PLD1: variants seen among roughly 807,000 people sequenced by gnomAD.
PLD1 encodes the protein phospholipase D1.
In PLD1, 112 loss-of-function variants were observed where a neutral mutation model predicts 137.1. The observed-to-expected ratio is 0.82, with a 90% CI of 0.70 to 0.96. The LOEUF (loss-of-function observed/expected upper bound fraction) is 0.96. Ranked by LOEUF, PLD1 falls within the 40% of genes least tolerant of loss-of-function variation. The pLI, the probability that PLD1 is intolerant of heterozygous loss-of-function variation, is 0.00. For missense variants in PLD1, 1,321 were observed against 1,342.0 expected, an observed-to-expected ratio of 0.98 and a Z score of 0.24; for synonymous variants, 431 against 454.7, an observed-to-expected ratio of 0.95 and a Z score of 0.66.
chr3:171,663,336 C>T (rs1711716694), intron 19 of PLD1, among the ~76,000 whole-genome samples: 1 of 152,208 alleles, frequency 6.6e-6, no homozygotes, highest in African/African-American at 2.4e-5. Context: ...CAGAGCAGGA[C>T]TGTCTAGGTT....
At chr3:171,780,450 G>A (rs1432400012) in intron 1 of PLD1, among the ~76,000 whole-genome samples, 2 of 152,144 alleles carry the variant, frequency 1.3e-5, no homozygotes, top group South Asian at 2.1e-4. Flanking sequence ...ACTGACTGAG[G>A]GTGAATAAAG....
chr3:171,772,712 A>G (rs752293569), intron 1 of PLD1, among the ~76,000 whole-genome samples: 6 of 152,240 alleles, frequency 3.9e-5, no homozygotes, highest in Non-Finnish European at 8.8e-5. Flanking sequence ...TATTACTTTG[A>G]TGTTGGAAGA....
chr3:171,748,569 C>T (rs1720429881), intron 1 of PLD1, among the ~76,000 whole-genome samples: 2 of 152,044 alleles, frequency 1.3e-5, no homozygotes, highest in South Asian at 4.2e-4. Context: ...TTGTAATCTC[C>T]TCCAAACACT....
chr3:171,804,387 A>C (rs1160101885), intron 1 of PLD1, among the ~76,000 whole-genome samples: 1 of 152,216 alleles, frequency 6.6e-6, no homozygotes, highest in African/African-American at 2.4e-5. Flanking sequence ...GTAAAACGTT[A>C]ATTATAAAGA....
chr3:171,605,037 C>A (rs1354577565), intron 26 of PLD1, among the ~76,000 whole-genome samples: 1 of 152,160 alleles, frequency 6.6e-6, no homozygotes, highest in Non-Finnish European at 1.5e-5. Flanking sequence ...TAACCAGGTG[C>A]TAAGGATGCT....
intron 1 of PLD1, among the ~76,000 whole-genome samples, chr3:171,761,885 C>T (rs746863327): frequency 2.0e-5 from 3 of 152,148 alleles, no homozygotes; most frequent in Non-Finnish European, 2.9e-5. Flanking sequence ...CACACATTTT[C>T]TTAAATTAAC....
At chr3:171,793,310 A>G (rs192170206) in intron 1 of PLD1, 37 of 152,374 alleles carry the variant, frequency 2.4e-4, no homozygotes, top group African/African-American at 8.7e-4. Flanking sequence ...TGTTAAACAC[A>G]TAAATCATTA....
At chr3:171,739,886 T>C (rs1473866711) in intron 1 of PLD1, among the ~76,000 whole-genome samples, 1 of 152,200 alleles carries the variant, frequency 6.6e-6, no homozygotes, top group African/African-American at 2.4e-5. Flanking sequence ...CTATTCTTTG[T>C]AGATATGTAA....
chr3:171,628,053 A>C (rs1734295834), intron 23 of PLD1, among the ~76,000 whole-genome samples: 2 of 151,986 alleles, frequency 1.3e-5, no homozygotes, highest in South Asian at 2.1e-4. Context: ...AACCCTTCAA[A>C]AAATTAATGA....
chr3:171,785,294 A>G lies in PLD1; in HGVS notation c.-32+25105T>C, dbSNP rs1249544216. On this transcript the variant is annotated intron_variant, in intron 1 of 26. Coordinates refer to ENST00000351298, the MANE Select transcript of PLD1 (RefSeq NM_002662.5). The stretch of plus-strand genomic sequence containing the variant: ...TTTTAAATTTTCTAGTAGCCACATC[A>G]AAAGTACAATGAAATAGGTGAAAAT... Among the ~76,000 whole-genome samples, 4 of 152,362 alleles carry G rather than the reference A, an allele frequency of 2.6e-5. No homozygotes were observed. In the East Asian group the frequency reaches 7.7e-4, roughly 29 times the overall value.
chr3:171,722,601 C>A (rs2108234756), intron 8 of PLD1, among the ~76,000 whole-genome samples: 1 of 152,194 alleles, frequency 6.6e-6, no homozygotes, highest in Admixed American at 6.5e-5. Flanking sequence ...TGGATGTTTT[C>A]ATTTATCCTG....
intron 19 of PLD1, among the ~76,000 whole-genome samples, chr3:171,662,529 A>G (rs1248472774): frequency 3.3e-5 from 5 of 152,158 alleles, no homozygotes; most frequent in African/African-American, 1.2e-4. Flanking sequence ...TATGGTAACC[A>G]TTTGTATTCC....
chr3:171,710,551 T>C (rs1464972059), intron 9 of PLD1, among the ~76,000 whole-genome samples: 2 of 152,224 alleles, frequency 1.3e-5, no homozygotes, highest in African/African-American at 2.4e-5. Flanking sequence ...GTGGCTGATC[T>C]GACAGAAGGC....
At chr3:171,746,068 C>A (rs954059258) in intron 1 of PLD1, among the ~76,000 whole-genome samples, 1 of 152,332 alleles carries the variant, frequency 6.6e-6, no homozygotes, top group Middle Eastern at 3.4e-3. Flanking sequence ...CCCAGCACTG[C>A]CGGCCCGCCC....
chr3:171,642,457 C>CAAAAAAAAAA (rs1230947984), intron 23 of PLD1, among the ~76,000 whole-genome samples: 2 of 33,016 alleles, frequency 6.1e-5, no homozygotes, highest in African/African-American at 2.4e-4. Context: ...AACCCAGTCT[C>CAAAAAAAAAA]AAAAAAAAAA....
intron 18 of PLD1, among the ~76,000 whole-genome samples, chr3:171,675,555 C>T (rs1354454591): frequency 6.6e-6 from 1 of 152,156 alleles, no homozygotes; most frequent in African/African-American, 2.4e-5. Context: ...ACCACAAAAA[C>T]CACCCCAAAC....
intron 19 of PLD1, among the ~76,000 whole-genome samples, chr3:171,663,959 C>A (rs563824713): frequency 4.3e-4 from 65 of 152,264 alleles, no homozygotes; most frequent in African/African-American, 1.5e-3. Flanking sequence ...AAAATTGCAA[C>A]TATACGGCCA....
At chr3:171,665,560 C>T (rs1424977197) in intron 19 of PLD1, among the ~76,000 whole-genome samples, 3 of 152,002 alleles carry the variant, frequency 2.0e-5, no homozygotes, top group African/African-American at 7.2e-5. Context: ...ATTAGCCGGG[C>T]TTGGTGGTGC....
At chr3:171,656,156 T>TTTTTTTATTTATTTATTTATTTA (rs1553810398) in intron 21 of PLD1, among the ~76,000 whole-genome samples, 4 of 145,360 alleles carry the variant, frequency 2.8e-5, no homozygotes, top group Non-Finnish European at 6.0e-5. Context: ...AATACTATAA[T>TTTTTTTATTTATTTATTTATTTA]TTTATTTATT....
Sources: allele counts gnomAD v4.1 joint callset (sites outside exome capture counted in the v4.1 genomes callset), GRCh38; gene constraint gnomAD v4.1.1; transcripts MANE v1.5; gene names NCBI Gene and HGNC (gene_info 2026-07-23, HGNC 2026-07-21).